Variants in SPIRE1 observed in about 807,000 individuals in gnomAD.
SPIRE1 encodes the protein spire type actin nucleation factor 1.
SPIRE1 carries 40 observed loss-of-function variants against 94.1 expected under a neutral mutation model. The observed-to-expected ratio is 0.43, with a 90% CI of 0.33 to 0.55. The LOEUF (loss-of-function observed/expected upper bound fraction) is 0.55, where lower values mean the gene tolerates loss of function less well. SPIRE1 is among the 20% of genes least tolerant of loss of function. SPIRE1 has a pLI of 0.06. For missense variants in SPIRE1, 838 were observed against 975.2 expected, an observed-to-expected ratio of 0.86 and a Z score of 1.87; for synonymous variants, 376 against 371.7, an observed-to-expected ratio of 1.01 and a Z score of -0.13.
chr18:12,637,881 T>C (rs1031119158), intron 1 of SPIRE1, among the ~76,000 whole-genome samples: 1 of 152,242 alleles, frequency 6.6e-6, no homozygotes, highest in African/African-American at 2.4e-5. Context: ...AAGATTTTTT[T>C]CAATGACCTG....
chr18:12,592,071 G>A lies in SPIRE1; in HGVS notation c.372+42991C>T, dbSNP rs528971524. Among the ~76,000 whole-genome samples the A allele has an allele frequency of 5.3e-5, 8 of 151,658 alleles. No homozygotes were observed. The South Asian group carries it at 1.7e-3, about 32-fold the overall frequency. ...ATTCCATTGATATCTAAGTGCACCA[G>A]TATGTTGGTAGTCAATTTCAGAGGA... is the stretch of plus-strand genomic sequence containing the variant. On this transcript the variant is annotated intron_variant, in intron 2 of 16. Coordinates refer to ENST00000409402, the MANE Select transcript of SPIRE1 (RefSeq NM_001128626.2).
At chr18:12,492,021 A>T (rs1049135287) in intron 8 of SPIRE1, among the ~76,000 whole-genome samples, 1 of 152,180 alleles carries the variant, frequency 6.6e-6, no homozygotes, top group African/African-American at 2.4e-5. Flanking sequence ...TTGTGGAAAT[A>T]TTGGGTTTGT....
chr18:12,641,181 C>T (rs2038073057), intron 1 of SPIRE1, among the ~76,000 whole-genome samples: 1 of 152,000 alleles, frequency 6.6e-6, no homozygotes, highest in African/African-American at 2.4e-5. Flanking sequence ...AAACATTTGA[C>T]CAAAACTGAT....
chr18:12,453,151 A>C lies in SPIRE1; in HGVS notation c.1777-13T>G. ...AACAAAAGCAGAGCTAAAAAATACA[A>C]ATTTAAGAGGAAAAAAAACATTGCC... On this transcript the variant is annotated splice_polypyrimidine_tract_variant and intron_variant, in intron 13 of 16. Transcript: ENST00000409402. 6.3e-7 allele frequency: 1 copy of C among 1,596,834 alleles called. No individual in the cohort carries two copies. Among genetic ancestry groups the C allele is most frequent in the Non-Finnish European group, 8.5e-7 (1 of 1,172,514 alleles).
At chr18:12,638,151 C>G (rs28457089) in intron 1 of SPIRE1, among the ~76,000 whole-genome samples, 59,544 of 151,990 alleles carry the variant, frequency 0.39, 12,318 homozygotes, top group East Asian at 0.6. Flanking sequence ...TCATTTTATA[C>G]ATGAGTAATT....
chr18:12,463,299 C>T, intron 12 of SPIRE1, 52 bp downstream of exon 12: 2 of 1,475,542 alleles, frequency 1.4e-6, no homozygotes, highest in South Asian at 1.5e-5. Flanking sequence ...GCTAATGATT[C>T]TATGTCTTCT....
In SPIRE1 at chr18:12,602,200, A is replaced by G. The variant is rs140848180; in HGVS notation, c.372+32862T>C. On this transcript the variant is annotated intron_variant, in intron 2 of 16. Transcript: ENST00000409402. ...AGTTGAAGGCATCCTAACAGACAGCAACATAAGAGATCAGATAAAAATCCC... is the reference window on the plus strand; with the variant it reads ...AGTTGAAGGCATCCTAACAGACAGCGACATAAGAGATCAGATAAAAATCCC... Among the ~76,000 whole-genome samples the G allele has an allele frequency of 1.1e-3, 168 of 152,282 alleles. 1 individual carries two copies. Among genetic ancestry groups the G allele is most frequent in the East Asian group, 6.9e-3 (36 of 5,186 alleles).
At chr18:12,474,792 C>G (rs1385480222) in intron 10 of SPIRE1, among the ~76,000 whole-genome samples, 1 of 152,022 alleles carries the variant, frequency 6.6e-6, no homozygotes, top group Non-Finnish European at 1.5e-5. Context: ...GTGTTCCAGC[C>G]TTGGCAATGT....
At chr18:12,459,270 G>A (rs764700916) in intron 12 of SPIRE1, among the ~76,000 whole-genome samples, 14 of 152,246 alleles carry the variant, frequency 9.2e-5, no homozygotes, top group Non-Finnish European at 1.6e-4. Context: ...TTCATGACAG[G>A]TGATGGGAGC....
chr18:12,658,301 CG>C (rs1441367298), upstream of SPIRE1: 8 of 441,866 alleles, frequency 1.8e-5, no homozygotes, highest in East Asian at 1.6e-4. Flanking sequence ...GACGCCCGGT[CG>C]GGGGGCCCGG....
At chr18:12,463,573 T>A (rs1012332682) in intron 11 of SPIRE1, 80 bp from the exon 12 acceptor site, 6 of 1,133,338 alleles carry the variant, frequency 5.3e-6, no homozygotes, top group Non-Finnish European at 7.6e-6. Flanking sequence ...ACAAACACTG[T>A]AATTCAAAGA....
intron 2 of SPIRE1, among the ~76,000 whole-genome samples, chr18:12,599,014 T>G (rs2036757974): frequency 6.6e-6 from 1 of 152,246 alleles, no homozygotes; most frequent in Non-Finnish European, 1.5e-5. Flanking sequence ...TTACCCCATT[T>G]GCTTTATTCA....
chr18:12,480,961 G>C (rs2032819007), intron 9 of SPIRE1, among the ~76,000 whole-genome samples: 1 of 152,188 alleles, frequency 6.6e-6, no homozygotes, highest in Admixed American at 6.5e-5. Flanking sequence ...CAAAGGGCAT[G>C]CTAAGTACTA....
chr18:12,551,293 A>G (rs1057085087), intron 2 of SPIRE1, among the ~76,000 whole-genome samples: 2 of 152,170 alleles, frequency 1.3e-5, no homozygotes, highest in African/African-American at 2.4e-5. Context: ...TCATAATTAA[A>G]TTGGTAAGTT....
At chr18:12,496,772 G>A (rs1268200387) in intron 6 of SPIRE1, among the ~76,000 whole-genome samples, 1 of 152,190 alleles carries the variant, frequency 6.6e-6, no homozygotes, top group African/African-American at 2.4e-5. Context: ...AGGAGGCTGA[G>A]GCAGGAGAAT....
chr18:12,652,772 A>G (rs2038417637), intron 1 of SPIRE1, among the ~76,000 whole-genome samples: 1 of 152,164 alleles, frequency 6.6e-6, no homozygotes, highest in Non-Finnish European at 1.5e-5. Context: ...TATTTATTTC[A>G]TTCAAACTGA....
intron 2 of SPIRE1, among the ~76,000 whole-genome samples, chr18:12,573,398 G>A (rs2036008008): frequency 6.6e-6 from 1 of 152,028 alleles, no homozygotes; most frequent in Non-Finnish European, 1.5e-5. Flanking sequence ...ACCACTTTGG[G>A]GGACAATTTA....
At chr18:12,600,949 T>A (rs1444940048) in intron 2 of SPIRE1, among the ~76,000 whole-genome samples, 1 of 152,106 alleles carries the variant, frequency 6.6e-6, no homozygotes, top group Non-Finnish European at 1.5e-5. Context: ...CTCAAACTCC[T>A]GGGCTCAAGC....
At chr18:12,496,651 C>G (rs975754526) in intron 6 of SPIRE1, among the ~76,000 whole-genome samples, 3 of 152,182 alleles carry the variant, frequency 2.0e-5, no homozygotes, top group Admixed American at 6.5e-5. Context: ...GGGCTGATCA[C>G]AAGGTCAGGA....
Sources: gnomAD v4.1 joint callset for allele counts (sites outside exome capture counted in the v4.1 genomes callset) on GRCh38, gnomAD v4.1.1 for gene constraint, MANE v1.5 for transcripts, NCBI Gene and HGNC (gene_info 2026-07-23, HGNC 2026-07-21) for gene names.